The following SUGP1 variants were observed in gnomAD, a reference collection of about 807,000 sequenced individuals.
The protein encoded by SUGP1 is SURP and G-patch domain containing 1.
In SUGP1, 34 loss-of-function variants were observed where a neutral mutation model predicts 76.5. The observed-to-expected ratio is 0.44, with a 90% CI of 0.34 to 0.59. SUGP1 has a LOEUF of 0.59. SUGP1 is among the 20% of genes least tolerant of loss of function. The pLI is 0.01. For missense variants in SUGP1, 752 were observed against 851.7 expected, an observed-to-expected ratio of 0.88 and a Z score of 1.46; for synonymous variants, 326 against 326.2, an observed-to-expected ratio of 1.00 and a Z score of 0.01.
chr19:19,312,934 G>A (rs1321168344), intron 2 of SUGP1, among the ~76,000 whole-genome samples: 1 of 151,488 alleles, frequency 6.6e-6, no homozygotes, highest in Non-Finnish European at 1.5e-5. Context: ...AGCCTGCAGT[G>A]AGCCGAGATC....
intron 3 of SUGP1, among the ~76,000 whole-genome samples, chr19:19,306,985 CCT>C (rs796717092): frequency 6.6e-6 from 1 of 152,168 alleles, no homozygotes; most frequent in African/African-American, 2.4e-5. Flanking sequence ...AGCTCACCAC[CCT>C]GAGAGCAGGA....
At chr19:19,303,628 C>T in intron 5 of SUGP1, 96 bp downstream of exon 5, 1 of 1,499,784 alleles carries the variant, frequency 6.7e-7, no homozygotes, top group Non-Finnish European at 9.3e-7. Context: ...CTTGGAACAG[C>T]ATCCGGCCCA....
At chr19:19,307,631 G>A (rs948182810) in intron 3 of SUGP1, among the ~76,000 whole-genome samples, 9 of 152,102 alleles carry the variant, frequency 5.9e-5, no homozygotes, top group African/African-American at 1.9e-4. Flanking sequence ...AAAGGGGGAT[G>A]GGAGGACTTC....
At chr19:19,288,513 T>C (rs1255320270) in intron 8 of SUGP1, among the ~76,000 whole-genome samples, 2 of 152,086 alleles carry the variant, frequency 1.3e-5, no homozygotes, top group Admixed American at 6.6e-5. Flanking sequence ...AAAAGTTACA[T>C]GTAGAGGCTG....
intron 2 of SUGP1, among the ~76,000 whole-genome samples, chr19:19,313,025 A>G (rs148377682): frequency 4.6e-4 from 70 of 151,890 alleles, no homozygotes; most frequent in African/African-American, 1.7e-3. Flanking sequence ...AATAAATAAA[A>G]AAAAACAAAA....
At chr19:19,304,042 C>T (rs961554445) in intron 4 of SUGP1, 195 bp from the exon 5 acceptor site, 2 of 1,566,396 alleles carry the variant, frequency 1.3e-6, no homozygotes, top group Non-Finnish European at 1.7e-6. Context: ...TGGTGAGACA[C>T]ACTAGGTGGG....
chr19:19,316,326 C>G (rs1296222285), intron 2 of SUGP1, 96 bp downstream of exon 2: 1 of 1,465,320 alleles, frequency 6.8e-7, no homozygotes, highest in Non-Finnish European at 9.3e-7. Context: ...TGGCTGGGTG[C>G]AAGCACATGC....
At chr19:19,296,930 A>T in intron 8 of SUGP1, 59 bp downstream of exon 8, 2 of 1,371,214 alleles carry the variant, frequency 1.5e-6, no homozygotes, top group Non-Finnish European at 2.0e-6. Flanking sequence ...TGAAGACATT[A>T]TGCTCAGTGA....
intron 7 of SUGP1, chr19:19,301,742 G>C (rs1457433514): frequency 6.5e-6 from 1 of 155,016 alleles, no homozygotes; most frequent in Non-Finnish European, 1.4e-5. Flanking sequence ...GGGTACGACC[G>C]CATGGCCGGG....
At chr19:19,312,715 C>T (rs183870224) in intron 2 of SUGP1, among the ~76,000 whole-genome samples, 58 of 152,250 alleles carry the variant, frequency 3.8e-4, no homozygotes, top group Non-Finnish European at 7.5e-4. Context: ...AGGCCAGGCG[C>T]GGTGGCTCAC....
At chr19:19,283,701 G>A (rs572239310) in intron 8 of SUGP1, among the ~76,000 whole-genome samples, 2 of 152,238 alleles carry the variant, frequency 1.3e-5, no homozygotes, top group East Asian at 1.9e-4. Flanking sequence ...TGATCCGCCC[G>A]CCTCGGCCTC....
At chr19:19,294,532 A>G (rs1263725647) in intron 8 of SUGP1, among the ~76,000 whole-genome samples, 1 of 144,930 alleles carries the variant, frequency 6.9e-6, no homozygotes, top group African/African-American at 2.6e-5. Flanking sequence ...AAAAAACCCA[A>G]AATAGGCTAA....
intron 8 of SUGP1, among the ~76,000 whole-genome samples, chr19:19,284,444 G>A (rs1454439540): frequency 1.3e-5 from 2 of 151,322 alleles, no homozygotes; most frequent in Non-Finnish European, 1.5e-5. Flanking sequence ...AATGAATCCA[G>A]CATAAGGACC....
At chr19:19,292,163 C>CT in intron 8 of SUGP1, among the ~76,000 whole-genome samples, 3 of 149,768 alleles carry the variant, frequency 2.0e-5, no homozygotes, top group African/African-American at 7.4e-5. Flanking sequence ...ATCCCAGCTA[C>CT]TCGGGAGGCT....
intron 1 of SUGP1, among the ~76,000 whole-genome samples, chr19:19,319,706 CAA>C (rs570232030): frequency 1.6e-4 from 11 of 69,306 alleles, no homozygotes; most frequent in African/African-American, 2.8e-4. Context: ...GACCCTGTCT[CAA>C]AAAAAAAAAA....
At chr19:19,318,124 T>C (rs1288249504) in intron 1 of SUGP1, among the ~76,000 whole-genome samples, 3 of 144,326 alleles carry the variant, frequency 2.1e-5, no homozygotes, top group African/African-American at 7.9e-5. Flanking sequence ...TTTTTTTTTT[T>C]TTTTTTTTTT....
chr19:19,317,174 A>G (rs1370657927), intron 1 of SUGP1, among the ~76,000 whole-genome samples: 1 of 151,950 alleles, frequency 6.6e-6, no homozygotes, highest in Non-Finnish European at 1.5e-5. Context: ...ATGTGGTAAG[A>G]GCTCTGCTGA....
intron 8 of SUGP1, among the ~76,000 whole-genome samples, chr19:19,291,888 G>GTCAC (rs754549382): frequency 4.3e-4 from 28 of 65,400 alleles, no homozygotes; most frequent in Admixed American, 1.3e-3. Context: ...GTGAGACTCT[G>GTCAC]TCACACACAC....
chr19:19,311,518 G>T (rs2061352814), intron 2 of SUGP1, among the ~76,000 whole-genome samples: 1 of 151,740 alleles, frequency 6.6e-6, no homozygotes, highest in Non-Finnish European at 1.5e-5. Flanking sequence ...ACGAGGTCAG[G>T]AGATAGAGAC....
Sources: gnomAD v4.1 joint callset for allele counts (sites outside exome capture counted in the v4.1 genomes callset) on GRCh38, gnomAD v4.1.1 for gene constraint, MANE v1.5 for transcripts, NCBI Gene and HGNC (gene_info 2026-07-23, HGNC 2026-07-21) for gene names.